The following CACNA1D variants were observed in gnomAD, a reference collection of about 807,000 sequenced individuals.
The protein encoded by CACNA1D is calcium voltage-gated channel subunit alpha1 D, also known as voltage-dependent L-type calcium channel subunit alpha-1D.
Under a neutral mutation model 257.1 loss-of-function variants are expected in CACNA1D, and 55 were observed. The observed-to-expected ratio is 0.21, with a 90% CI of 0.17 to 0.27. The LOEUF (loss-of-function observed/expected upper bound fraction) is 0.27. CACNA1D is among the 10% of genes least tolerant of loss of function. The pLI is 1.00. For missense variants in CACNA1D, 1,876 were observed against 2,784.0 expected (o/e 0.67, Z 7.34); for synonymous variants, 980 against 1,014.9 (o/e 0.97, Z 0.65).
At chr3:53,579,120 T>C (rs17053209) in intron 3 of CACNA1D, among the ~76,000 whole-genome samples, 7,406 of 152,256 alleles carry the variant, frequency 0.049, 592 homozygotes, top group African/African-American at 0.17. Context: ...TGCAGGTGAC[T>C]TCCAGGGATA....
At chr3:53,727,920 C>G (rs1171767754) in intron 15 of CACNA1D, among the ~76,000 whole-genome samples, 1 of 152,086 alleles carries the variant, frequency 6.6e-6, no homozygotes, top group Non-Finnish European at 1.5e-5. Flanking sequence ...TCTACAAGGA[C>G]AATGCTTTGT....
intron 37 of CACNA1D, among the ~76,000 whole-genome samples, chr3:53,778,972 T>G (rs1409421912): frequency 1.3e-5 from 2 of 152,200 alleles, no homozygotes; most frequent in Non-Finnish European, 2.9e-5. Flanking sequence ...GCCCATTGTC[T>G]TTTACTTCCT....
intron 3 of CACNA1D, among the ~76,000 whole-genome samples, chr3:53,533,037 G>A (rs2091999282): frequency 6.6e-6 from 1 of 152,120 alleles, no homozygotes; most frequent in South Asian, 2.1e-4. Context: ...CTTCGACCTA[G>A]GCTCTTTGCT....
At chr3:53,561,049 C>T (rs893810092) in intron 3 of CACNA1D, among the ~76,000 whole-genome samples, 1 of 152,188 alleles carries the variant, frequency 6.6e-6, no homozygotes, top group African/African-American at 2.4e-5. Flanking sequence ...TATCTTAATT[C>T]ATCTCCATAT....
rs184173965 is a variant in CACNA1D at position 53,591,443 on chromosome 3, G to A, written c.484-59336G>A. On this transcript the variant is annotated intron_variant, in intron 3 of 47. Coordinates refer to ENST00000350061, the MANE Select transcript of CACNA1D (RefSeq NM_001128840.3). ...AATTTTTTGAATTTTTAGTAGAGAC[G>A]GAGTTTTGCCATGTTGCCCAGGCTG... Among the ~76,000 whole-genome samples the A allele has an allele frequency of 1.0e-3, 158 of 152,098 alleles. 3 individuals are homozygous for A. In the South Asian group the frequency reaches 0.012, roughly 12 times the overall value.
At chr3:53,526,543 A>G (rs2091771512) in intron 3 of CACNA1D, among the ~76,000 whole-genome samples, 1 of 152,188 alleles carries the variant, frequency 6.6e-6, no homozygotes, top group African/African-American at 2.4e-5. Context: ...TCGGACCTTG[A>G]CCCTAACCTT....
intron 3 of CACNA1D, among the ~76,000 whole-genome samples, chr3:53,605,425 A>G (rs2093496857): frequency 6.6e-6 from 1 of 152,230 alleles, no homozygotes; most frequent in Non-Finnish European, 1.5e-5. Flanking sequence ...GAACTAATTG[A>G]AGTGATTGAA....
chr3:53,790,969 C>A, intron 40 of CACNA1D: 1 of 702,178 alleles, frequency 1.4e-6, no homozygotes. Context: ...CTGGCTGATT[C>A]GTTTGTTTCA....
chr3:53,738,369 G>T (rs2095079666), intron 20 of CACNA1D, among the ~76,000 whole-genome samples: 1 of 152,224 alleles, frequency 6.6e-6, no homozygotes, highest in Non-Finnish European at 1.5e-5. Context: ...AAAGAGGAAG[G>T]CACTGGGCCT....
chr3:53,770,403 C>T, intron 31 of CACNA1D, 21 bp from the exon 32 acceptor site: 1 of 1,612,686 alleles, frequency 6.2e-7, no homozygotes, highest in African/African-American at 1.3e-5. Context: ...TGGGTTTGAC[C>T]TCTCCATGAT....
chr3:53,779,140 AC>A (rs1192075042), intron 37 of CACNA1D, among the ~76,000 whole-genome samples: 1 of 152,238 alleles, frequency 6.6e-6, no homozygotes, highest in Non-Finnish European at 1.5e-5. Context: ...CTCTAAAAAA[AC>A]ATAACAAAAC....
intron 30 of CACNA1D, among the ~76,000 whole-genome samples, chr3:53,766,843 C>T (rs1011829295): frequency 5.9e-5 from 9 of 152,162 alleles, no homozygotes; most frequent in African/African-American, 1.4e-4. Flanking sequence ...ACTGGAATTC[C>T]GCTTATTGAA....
chr3:53,630,334 TTTTC>T (rs1404225649), intron 3 of CACNA1D, among the ~76,000 whole-genome samples: 3 of 152,220 alleles, frequency 2.0e-5, no homozygotes, highest in Non-Finnish European at 4.4e-5. Context: ...GTCTATGGTT[TTTTC>T]TTTATCTCTT....
chr3:53,700,464 G>A (rs1559535692), intron 8 of CACNA1D, among the ~76,000 whole-genome samples: 1 of 152,150 alleles, frequency 6.6e-6, no homozygotes, highest in Non-Finnish European at 1.5e-5. Flanking sequence ...TGTGATTCTG[G>A]ATTGAGTTGT....
intron 14 of CACNA1D, among the ~76,000 whole-genome samples, chr3:53,724,875 C>T (rs2094918399): frequency 6.6e-6 from 1 of 152,140 alleles, no homozygotes; most frequent in Non-Finnish European, 1.5e-5. Flanking sequence ...AATTCTCTCC[C>T]ACTTGGTCAT....
intron 3 of CACNA1D, among the ~76,000 whole-genome samples, chr3:53,565,545 G>C (rs958815491): frequency 1.3e-4 from 20 of 152,146 alleles, no homozygotes; most frequent in African/African-American, 4.8e-4. Context: ...ATGGAGAGGA[G>C]GGAGAAAGGA....
intron 3 of CACNA1D, among the ~76,000 whole-genome samples, chr3:53,569,788 A>G (rs1365665650): frequency 6.6e-6 from 1 of 152,222 alleles, no homozygotes; most frequent in Non-Finnish European, 1.5e-5. Context: ...TTAGAGCCAG[A>G]TACTTCTGAG....
chr3:53,616,944 T>A (rs562447802), intron 3 of CACNA1D, among the ~76,000 whole-genome samples: 141 of 152,258 alleles, frequency 9.3e-4, no homozygotes, highest in African/African-American at 3.3e-3. Flanking sequence ...GGTGTCACAG[T>A]AGGAGTTTTG....
intron 10 of CACNA1D, among the ~76,000 whole-genome samples, chr3:53,719,304 G>C (rs778195721): frequency 6.6e-6 from 1 of 152,206 alleles, no homozygotes; most frequent in African/African-American, 2.4e-5. Flanking sequence ...ACAGAGAATG[G>C]GTTTGTCATC....
Sources: gnomAD v4.1 joint callset for allele counts (sites outside exome capture counted in the v4.1 genomes callset) on GRCh38, gnomAD v4.1.1 for gene constraint, MANE v1.5 for transcripts, NCBI Gene and HGNC (gene_info 2026-07-23, HGNC 2026-07-21) for gene names.